GIPC1: variants seen among roughly 807,000 people sequenced by gnomAD.
GIPC1 encodes GIPC PDZ domain containing family member 1, also known as PDZ domain-containing protein GIPC1.
A neutral mutation model predicts 28.5 loss-of-function variants in GIPC1; 15 were observed. The ratio of observed to expected loss-of-function variants is 0.53; its 90% confidence interval spans 0.35 to 0.81. GIPC1 has a LOEUF of 0.81. GIPC1 is among the 30% of genes least tolerant of loss of function. The pLI is 0.01. For missense variants in GIPC1, 439 were observed against 481.9 expected, an observed-to-expected ratio of 0.91 and a Z score of 0.83; for synonymous variants, 224 against 206.1, an observed-to-expected ratio of 1.09 and a Z score of -0.74.
At chr19:14,482,578 A>C in intron 4 of GIPC1, 111 bp downstream of exon 4, 1 of 1,095,880 alleles carries the variant, frequency 9.1e-7, no homozygotes, top group African/African-American at 1.5e-5. Context: ...AGTGGGGCCC[A>C]GGCTCAGCAT....
intron 1 of GIPC1, among the ~76,000 whole-genome samples, chr19:14,493,524 C>A (rs553068139): frequency 6.6e-6 from 1 of 152,108 alleles, no homozygotes; most frequent in East Asian, 1.9e-4. Flanking sequence ...GTGGCGCCAT[C>A]TCAGCTCACT....
intron 3 of GIPC1, among the ~76,000 whole-genome samples, chr19:14,483,748 C>CAATAATAATAATAATAATAAT (rs151161206): frequency 2.8e-5 from 4 of 141,538 alleles, no homozygotes; most frequent in South Asian, 2.4e-4. Context: ...GACTCTGTCT[C>CAATAATAATAATAATAATAAT]AATAATAATA....
At chr19:14,494,599 C>G (rs965433877) in intron 1 of GIPC1, among the ~76,000 whole-genome samples, 2 of 152,184 alleles carry the variant, frequency 1.3e-5, no homozygotes, top group African/African-American at 4.8e-5. Context: ...GTTGCATTTT[C>G]TGTGCCAAGA....
chr19:14,480,496 G>A lies in GIPC1; in HGVS notation c.475-11C>T, dbSNP rs761228289. 1.0e-5 allele frequency: 16 copies of A among 1,607,644 alleles called. No individual in the cohort carries two copies. Among genetic ancestry groups the A allele is most frequent in the East Asian group, 6.7e-5 (3 of 44,760 alleles). ...GCCCTCCTTGATGCGCTGCGGGGGC[G>A]GGGAGTCATCAGCCCTTGGGGCTCT... On this transcript the variant is annotated splice_polypyrimidine_tract_variant and intron_variant, in intron 5 of 8. Coordinates refer to ENST00000393033, the MANE Select transcript of GIPC1 (RefSeq NM_005716.4).
chr19:14,480,028 T>G, intron 6 of GIPC1: 1 of 570,158 alleles, frequency 1.8e-6, no homozygotes, highest in Non-Finnish European at 3.1e-6. Flanking sequence ...CTGTTGGGGA[T>G]AGGGGGCTGG....
At chr19:14,484,295 C>T (rs768524251) in intron 3 of GIPC1, among the ~76,000 whole-genome samples, 2 of 151,770 alleles carry the variant, frequency 1.3e-5, no homozygotes, top group African/African-American at 2.4e-5. Context: ...GCCACCACAC[C>T]GGGGTAATTT....
rs1479534263 is a variant in GIPC1, at chr19:14,485,700, TATAGAG to T, written c.-30-2700_-30-2695del. Among the ~76,000 whole-genome samples, 5 of 68,834 alleles carry T rather than the reference TATAGAG, an allele frequency of 7.3e-5. No individual in the cohort carries two copies. The East Asian group carries it at 1.2e-3, about 17-fold the overall frequency. 45.2% of individuals were successfully genotyped at this position (68,834 alleles called of 152,430 possible). A position where few individuals can be genotyped will look rare whatever the true frequency, so the allele number is the denominator to read the frequency against. On this transcript the variant is annotated intron_variant, in intron 3 of 8. Transcript: ENST00000393033. Reference sequence around the variant, plus strand: ...AAATAAACAAATATATATATATATATATAGAGAGAGAGAGAGAGAGAGAGAGAGAGA... The same window carrying T: ...AAATAAACAAATATATATATATATATAGAGAGAGAGAGAGAGAGAGAGAGA...
intron 3 of GIPC1, among the ~76,000 whole-genome samples, chr19:14,486,250 A>G (rs986178571): frequency 6.6e-6 from 1 of 152,170 alleles, no homozygotes; most frequent in Non-Finnish European, 1.5e-5. Flanking sequence ...TGCCCATTGA[A>G]CAGATGAGAA....
rs2071636207 is a variant in GIPC1, at chr19:14,477,989, CT to C, written c.*426del. 1 of 165,288 alleles carries C rather than the reference CT, an allele frequency of 6.1e-6. No homozygotes were observed. Among genetic ancestry groups the C allele is most frequent in the African/African-American group, 2.4e-5 (1 of 41,882 alleles). 10.2% of individuals were successfully genotyped at this position (165,288 alleles called of 1,614,324 possible). A position where few individuals can be genotyped will look rare whatever the true frequency, so the allele number is the denominator to read the frequency against. On this transcript the variant is annotated 3_prime_UTR_variant, in exon 9 of 9. Transcript: ENST00000393033. ...AGGGGTGAGGGCATTATTGCATTTG[CT>C]GGGGGGAAGGACAACCCTCTCCCCT...
At chr19:14,493,938 G>A (rs1196491639) in intron 1 of GIPC1, among the ~76,000 whole-genome samples, 1 of 151,600 alleles carries the variant, frequency 6.6e-6, no homozygotes, top group Non-Finnish European at 1.5e-5. Flanking sequence ...TGGGATTACA[G>A]GCATAAGCCA....
At position 14,482,845 on chromosome 19, in the gene GIPC1, T is replaced by C. The variant is rs1336082762; in HGVS notation, c.132A>G (p.Gln44=). 4.4e-6 allele frequency: 7 copies of C among 1,575,382 alleles called. No individual in the cohort carries two copies. In the South Asian group the frequency reaches 4.6e-5, roughly 10 times the overall value. The change falls in exon 4 of 9, where the codon CAA becomes CAG. Residue 44 remains glutamine (Q), a synonymous_variant. Transcript: ENST00000393033. The part of the protein sequence containing the change: ...PLGGGGSGGP[Q]MGLPPPPPAL... ...CTGGGGGAGGGGGGGGCAAGCCCAT[T>C]TGGGGGCCCCCCGACCCACCTCCGC... is the stretch of plus-strand genomic sequence containing the variant.
Position 14,478,242 on chromosome 19 carries a change from G to C in GIPC1, c.*174C>G, listed in dbSNP as rs912913185. ...CCCCGGCCAGACTGGGAACCAGGGA[G>C]GGGATGGTACCGATTGGAGCGGGGC... On this transcript the variant is annotated 3_prime_UTR_variant, in exon 9 of 9. Coordinates refer to ENST00000393033, the MANE Select transcript of GIPC1 (RefSeq NM_005716.4). The surrounding 1 kb of genome is among the most constrained non-coding windows in gnomAD (Gnocchi z 5.2). The C allele has an allele frequency of 7.5e-5, 47 of 627,126 alleles. No individual in the cohort carries two copies. The South Asian group carries it at 8.0e-4, about 11-fold the overall frequency. 38.8% of individuals were successfully genotyped at this position (627,126 alleles called of 1,614,324 possible). A position where few individuals can be genotyped will look rare whatever the true frequency, so the allele number is the denominator to read the frequency against.
Position 14,478,387 on chromosome 19 carries a change from G to A in GIPC1, c.*29C>T. 3.2e-6 allele frequency: 5 copies of A among 1,577,052 alleles called. No homozygotes were observed. The highest frequency in any genetic ancestry group is 1.3e-5 in the African/African-American group (1 of 74,202). On this transcript the variant is annotated 3_prime_UTR_variant, in exon 9 of 9. Coordinates refer to ENST00000393033, the MANE Select transcript of GIPC1 (RefSeq NM_005716.4). This position sits in a 1 kb window ranked among gnomAD's most constrained non-coding sequence, Gnocchi z 5.2. ...GGGGGCCCCCACCAGGTTGCGCCCG[G>A]GTCATCATCGCAGGGTCCGGGGGCA... is the stretch of plus-strand genomic sequence containing the variant.
At chr19:14,480,847 G>C (rs143582336) in intron 4 of GIPC1, 69 bp from the exon 5 acceptor site, 1 of 1,134,510 alleles carries the variant, frequency 8.8e-7, no homozygotes, top group African/African-American at 1.5e-5. Flanking sequence ...ACTGGAGGGC[G>C]AAGGGAGAGA....
chr19:14,491,293 CTG>C (rs2071968558), intron 3 of GIPC1, among the ~76,000 whole-genome samples: 1 of 151,764 alleles, frequency 6.6e-6, no homozygotes, highest in South Asian at 2.1e-4. Context: ...AACTCTCACT[CTG>C]TCACCCAGGC....
At chr19:14,479,009 C>A (rs2071664513) in intron 7 of GIPC1, among the ~76,000 whole-genome samples, 1 of 152,048 alleles carries the variant, frequency 6.6e-6, no homozygotes, top group African/African-American at 2.4e-5. Flanking sequence ...AGGCTGTCTG[C>A]CCAGAGTCCC....
At chr19:14,482,364 A>T (rs60438220) in intron 4 of GIPC1, 140,391 of 448,736 alleles carry the variant, frequency 0.31, 24,039 homozygotes, top group Non-Finnish European at 0.38. Context: ...CTGGGGGTAC[A>T]CCCCTCCTAA....
intron 3 of GIPC1, among the ~76,000 whole-genome samples, chr19:14,487,685 C>CTTTTTTTTTTTTTTTTT (rs34048955): frequency 4.6e-5 from 6 of 130,452 alleles, no homozygotes; most frequent in African/African-American, 1.5e-4. Context: ...CTTTATTTTC[C>CTTTTTTTTTTTTTTTTT]TTTTTTTTTT....
intron 3 of GIPC1, among the ~76,000 whole-genome samples, chr19:14,491,175 T>A (rs1254899953): frequency 6.6e-6 from 1 of 151,066 alleles, no homozygotes; most frequent in Non-Finnish European, 1.5e-5. Flanking sequence ...TCAGCCTATA[T>A]TTTCTTATGT....
Sources: gnomAD v4.1 joint callset for allele counts (sites outside exome capture counted in the v4.1 genomes callset) on GRCh38, gnomAD v4.1.1 for gene constraint, Gnocchi (gnomAD v3.1) non-coding constraint, MANE v1.5 for transcripts, NCBI Gene and HGNC (gene_info 2026-07-23, HGNC 2026-07-21) for gene names.